The following DLGAP2 variants were observed in gnomAD, a reference collection of about 807,000 sequenced individuals.
DLGAP2 encodes DLG associated protein 2.
DLGAP2 carries 26 observed loss-of-function variants against 100.3 expected under a neutral mutation model. The observed-to-expected ratio is 0.26, with a 90% CI of 0.19 to 0.36. The LOEUF (loss-of-function observed/expected upper bound fraction) is 0.36, where lower values mean the gene tolerates loss of function less well. Ranked by LOEUF, DLGAP2 falls within the 10% of genes least tolerant of loss-of-function variation. The pLI is 1.00. For missense variants in DLGAP2, 1,858 were observed against 1,453.2 expected, an observed-to-expected ratio of 1.28 and a Z score of -4.53; for synonymous variants, 886 against 630.1, an observed-to-expected ratio of 1.41 and a Z score of -6.08.
intron 1 of DLGAP2, among the ~76,000 whole-genome samples, chr8:901,661 C>T (rs140037609): frequency 8.5e-5 from 13 of 152,162 alleles, no homozygotes; most frequent in African/African-American, 3.1e-4. Context: ...GGGTTTGGAC[C>T]GGAAGTTGAA....
At chr8:1,247,376 T>C (rs571208117) in intron 2 of DLGAP2, among the ~76,000 whole-genome samples, 75 of 143,020 alleles carry the variant, frequency 5.2e-4, no homozygotes, top group African/African-American at 1.7e-3. Context: ...GGAGTGATGG[T>C]CCATGTTGGT....
intron 2 of DLGAP2, among the ~76,000 whole-genome samples, chr8:1,215,039 G>T (rs755888611): frequency 6.6e-6 from 1 of 152,148 alleles, no homozygotes; most frequent in Non-Finnish European, 1.5e-5. Flanking sequence ...CATGGAAATA[G>T]TATAAGAACA....
intron 2 of DLGAP2, among the ~76,000 whole-genome samples, chr8:1,111,093 G>T (rs186101360): frequency 2.0e-4 from 31 of 152,326 alleles, no homozygotes; most frequent in Admixed American, 9.1e-4. Flanking sequence ...GCTGCTTTCT[G>T]CCCGGGCCTT....
chr8:1,562,627 G>T (rs1584930126), intron 5 of DLGAP2, among the ~76,000 whole-genome samples: 1 of 56,698 alleles, frequency 1.8e-5, no homozygotes, highest in Non-Finnish European at 3.3e-5. Flanking sequence ...ACTGTGTGGT[G>T]TTGGGGTGTC....
intron 1 of DLGAP2, among the ~76,000 whole-genome samples, chr8:901,717 T>C (rs1364001470): frequency 6.6e-6 from 1 of 152,210 alleles, no homozygotes; most frequent in Non-Finnish European, 1.5e-5. Flanking sequence ...ACAGCCTCGA[T>C]GGCAGCACGG....
intron 3 of DLGAP2, among the ~76,000 whole-genome samples, chr8:1,458,083 T>C (rs1253627210): frequency 2.7e-5 from 4 of 148,806 alleles, no homozygotes; most frequent in Non-Finnish European, 4.5e-5. Context: ...TTTGTATGTG[T>C]TTTTAGTAGA....
intron 2 of DLGAP2, among the ~76,000 whole-genome samples, chr8:1,221,329 A>G (rs1370103483): frequency 2.0e-5 from 3 of 152,160 alleles, no homozygotes; most frequent in Non-Finnish European, 2.9e-5. Flanking sequence ...TTGTCTGAAA[A>G]GGATTTATTT....
chr8:1,222,855 G>A (rs1678043423), intron 2 of DLGAP2, among the ~76,000 whole-genome samples: 1 of 152,126 alleles, frequency 6.6e-6, no homozygotes, highest in Non-Finnish European at 1.5e-5. Context: ...AGCAGTCAGA[G>A]GGGCGTTCAG....
chr8:1,654,229 A>G (rs7013954), intron 8 of DLGAP2, among the ~76,000 whole-genome samples: 6,163 of 152,302 alleles, frequency 0.04, 420 homozygotes, highest in African/African-American at 0.14. Flanking sequence ...TGTGTAACAA[A>G]TGCTACCTCC....
chr8:1,697,597 A>T (rs773539932), intron 14 of DLGAP2, among the ~76,000 whole-genome samples: 1 of 152,218 alleles, frequency 6.6e-6, no homozygotes, highest in Non-Finnish European at 1.5e-5. Flanking sequence ...ATCACAAGCA[A>T]ACCTGCAGCC....
At chr8:1,311,693 C>G (rs529699328) in intron 3 of DLGAP2, among the ~76,000 whole-genome samples, 12 of 141,038 alleles carry the variant, frequency 8.5e-5, no homozygotes, top group Non-Finnish European at 1.5e-4. Context: ...AATCTCATAA[C>G]TGTTCATGAT....
chr8:779,790 G>T (rs1380254640), intron 1 of DLGAP2, among the ~76,000 whole-genome samples: 1 of 151,970 alleles, frequency 6.6e-6, no homozygotes, highest in Non-Finnish European at 1.5e-5. Flanking sequence ...CATTTGCAGA[G>T]TTCATTGCAT....
At chr8:1,248,172 A>G (rs142667255) in intron 2 of DLGAP2, among the ~76,000 whole-genome samples, 5 of 11,132 alleles carry the variant, frequency 4.5e-4, no homozygotes, top group African/African-American at 4.1e-3. Context: ...GATGGTCCAC[A>G]TCGGTGGCCG....
At chr8:1,220,222 C>G (rs912253477) in intron 2 of DLGAP2, among the ~76,000 whole-genome samples, 1 of 152,114 alleles carries the variant, frequency 6.6e-6, no homozygotes, top group African/African-American at 2.4e-5. Flanking sequence ...TGAAATCTTT[C>G]TAACTTCTTG....
chr8:1,213,900 C>G (rs1798159019), intron 2 of DLGAP2, among the ~76,000 whole-genome samples: 1 of 152,206 alleles, frequency 6.6e-6, no homozygotes, highest in Non-Finnish European at 1.5e-5. Flanking sequence ...CGGGTCCTCA[C>G]TCCTTTTGCT....
At position 1,097,326 on chromosome 8, in the gene DLGAP2, G is replaced by C. The variant is rs1185243164; in HGVS notation, c.74-161525G>C. 7.0e-5 allele frequency among the ~76,000 whole-genome samples: 9 copies of C among 128,076 alleles called. No homozygotes were observed. In the South Asian group the frequency reaches 2.0e-3, roughly 29 times the overall value. The allele number at this position is 128,076 out of a possible 152,430, so 84.0% of individuals were successfully genotyped here. A position where few individuals can be genotyped will look rare whatever the true frequency, so the allele number is the denominator to read the frequency against. On this transcript the variant is annotated intron_variant, in intron 2 of 14. Transcript: ENST00000637795. Reference sequence around the variant, plus strand: ...GCAGGCCTTCACCCTCTGTGGCATGGAGGGGACCCCTCCAGCGTGAGACCC... The same window carrying C: ...GCAGGCCTTCACCCTCTGTGGCATGCAGGGGACCCCTCCAGCGTGAGACCC...
chr8:1,158,672 T>G (rs568262571), intron 2 of DLGAP2, among the ~76,000 whole-genome samples: 2 of 152,356 alleles, frequency 1.3e-5, no homozygotes, highest in South Asian at 4.1e-4. Context: ...ACTCTGTGTT[T>G]AGTGAGTGAC....
chr8:1,343,254 G>T (rs1014220984), intron 3 of DLGAP2, among the ~76,000 whole-genome samples: 3 of 152,172 alleles, frequency 2.0e-5, no homozygotes, highest in Non-Finnish European at 4.4e-5. Flanking sequence ...GGTGCGCAGG[G>T]CAGGGCTCAG....
chr8:1,383,875 C>G (rs960590302), intron 3 of DLGAP2, among the ~76,000 whole-genome samples: 1 of 152,144 alleles, frequency 6.6e-6, no homozygotes, highest in East Asian at 1.9e-4. Context: ...GGTGAGAGAG[C>G]GGCAGATGTC....
Sources: allele counts gnomAD v4.1 joint callset (sites outside exome capture counted in the v4.1 genomes callset), GRCh38; gene constraint gnomAD v4.1.1; transcripts MANE v1.5; gene names NCBI Gene and HGNC (gene_info 2026-07-23, HGNC 2026-07-21).